ADARB1: variants seen among roughly 807,000 people sequenced by gnomAD.
ADARB1 encodes double-stranded RNA-specific editase 1.
In ADARB1, 10 loss-of-function variants were observed where a neutral mutation model predicts 52.4. The observed-to-expected ratio is 0.19, with a 90% confidence interval of 0.12 to 0.32. The LOEUF (loss-of-function observed/expected upper bound fraction) is 0.32. ADARB1 is among the 10% of genes least tolerant of loss of function. The pLI is 1.00. For synonymous variants in ADARB1, 349 were observed against 371.1 expected (o/e 0.94, Z 0.68); for missense variants, 643 against 922.3 (o/e 0.70, Z 3.92).
Position 45,225,981 on chromosome 21 carries a change from G to T in ADARB1, c.*3784G>T, listed in dbSNP as rs1372681884. On this transcript the variant is annotated 3_prime_UTR_variant, in exon 11 of 11. Transcript: ENST00000348831. Reference sequence around the variant, plus strand: ...TGAGTTCTAGTGTTCACTTGATGCCGGGGAATAGAATTAGAGAAAACTCTG... The same window carrying T: ...TGAGTTCTAGTGTTCACTTGATGCCTGGGAATAGAATTAGAGAAAACTCTG... 6.1e-6 allele frequency: 1 copy of T among 164,106 alleles called. No individual in the cohort carries two copies. 10.2% of individuals were successfully genotyped at this position (164,106 alleles called of 1,614,324 possible). A position where few individuals can be genotyped will look rare whatever the true frequency, so the allele number is the denominator to read the frequency against.
intron 1 of ADARB1, among the ~76,000 whole-genome samples, chr21:45,105,509 T>G (rs956590560): frequency 5.3e-5 from 8 of 152,258 alleles, no homozygotes; most frequent in Non-Finnish European, 1.2e-4. Context: ...TTTCTCTGTT[T>G]CCTTCAGCTG....
chr21:45,146,695 C>T (rs1469384233), intron 2 of ADARB1, among the ~76,000 whole-genome samples: 1 of 152,188 alleles, frequency 6.6e-6, no homozygotes, highest in Non-Finnish European at 1.5e-5. Context: ...TGAGTGTGTC[C>T]AGCAACCAGG....
At chr21:45,188,024 C>T (rs952922804) in intron 8 of ADARB1, among the ~76,000 whole-genome samples, 3 of 151,882 alleles carry the variant, frequency 2.0e-5, no homozygotes, top group African/African-American at 7.3e-5. Flanking sequence ...GAAATGTTCT[C>T]TTTAGTTTTT....
chr21:45,078,769 C>T (rs8130074), intron 1 of ADARB1, among the ~76,000 whole-genome samples: 7 of 152,060 alleles, frequency 4.6e-5, no homozygotes, highest in African/African-American at 1.7e-4. Flanking sequence ...TCCTTCCTTG[C>T]GAATGACATG....
intron 8 of ADARB1, among the ~76,000 whole-genome samples, chr21:45,197,283 C>T (rs551957172): frequency 6.6e-6 from 1 of 151,442 alleles, no homozygotes; most frequent in South Asian, 2.1e-4. Flanking sequence ...GGGTGGATCA[C>T]AAGGTCAGGA....
At chr21:45,159,666 C>T (rs112192172) in intron 2 of ADARB1, among the ~76,000 whole-genome samples, 23 of 152,150 alleles carry the variant, frequency 1.5e-4, no homozygotes, top group African/African-American at 5.1e-4. Flanking sequence ...CAATGGGAGG[C>T]GAATAGGCCC....
intron 1 of ADARB1, chr21:45,100,866 G>C (rs2086971578): frequency 6.5e-6 from 1 of 152,764 alleles, no homozygotes; most frequent in Non-Finnish European, 1.5e-5. Flanking sequence ...AGCAGGCCTG[G>C]TTTGGGGTAT....
Position 45,074,653 on chromosome 21 carries a change from G to C in ADARB1, c.-360G>C. On this transcript the variant is annotated 5_prime_UTR_variant, in exon 1 of 11. Coordinates refer to ENST00000348831, the MANE Select transcript of ADARB1 (RefSeq NM_001112.4). ...CGGCCAAGCGGCCAGGTTGGCGGCC[G>C]GGGCTCCGGGCCGCGCGAGGCCACG... 6.8e-6 allele frequency: 1 copy of C among 146,474 alleles called. No individual in the cohort carries two copies. Among genetic ancestry groups the C allele is most frequent in the South Asian group, 1.9e-4 (1 of 5,338 alleles). 9.1% of individuals were successfully genotyped at this position (146,474 alleles called of 1,614,324 possible).
intron 2 of ADARB1, among the ~76,000 whole-genome samples, chr21:45,153,257 A>G (rs1031140438): frequency 1.3e-5 from 2 of 152,112 alleles, no homozygotes; most frequent in African/African-American, 4.8e-5. Context: ...TTTTCTCAAA[A>G]CCAGATTCAA....
intron 1 of ADARB1, among the ~76,000 whole-genome samples, chr21:45,124,375 C>T (rs1255067081): frequency 6.6e-6 from 1 of 151,906 alleles, no homozygotes; most frequent in Non-Finnish European, 1.5e-5. Context: ...CCCTTTTCTT[C>T]TCTTTTCTTT....
intron 8 of ADARB1, among the ~76,000 whole-genome samples, chr21:45,198,540 A>G (rs967484614): frequency 1.3e-5 from 2 of 152,120 alleles, no homozygotes; most frequent in Non-Finnish European, 2.9e-5. Context: ...CACACAGAGA[A>G]TAAATTAAGA....
At chr21:45,107,873 G>A (rs1005513142) in intron 1 of ADARB1, among the ~76,000 whole-genome samples, 1 of 152,092 alleles carries the variant, frequency 6.6e-6, no homozygotes, top group African/African-American at 2.4e-5. Context: ...ACCAGCCTGG[G>A]CAACATGGCA....
intron 8 of ADARB1, among the ~76,000 whole-genome samples, chr21:45,191,791 C>T (rs1018593871): frequency 6.8e-6 from 1 of 146,736 alleles, no homozygotes; most frequent in Non-Finnish European, 1.5e-5. Flanking sequence ...GTTCTACTTT[C>T]TGAAGTCTCT....
rs776820750 is a variant in ADARB1 at position 45,183,323 on chromosome 21, C to T, written c.1248-39C>T. ...TGATAGACTAAAATTTAACTATATA[C>T]AGCTTTAAATGTTACTTTTGCAACT... On this transcript the variant is annotated intron_variant, in intron 6 of 10. Transcript: ENST00000348831. 83 of 1,565,748 alleles carry T rather than the reference C, an allele frequency of 5.3e-5. 1 individual carries two copies. In the East Asian group the frequency reaches 1.8e-3, roughly 33 times the overall value.
At chr21:45,082,430 C>G (rs144563971) in intron 1 of ADARB1, among the ~76,000 whole-genome samples, 86 of 152,252 alleles carry the variant, frequency 5.6e-4, no homozygotes, top group African/African-American at 2.0e-3. Context: ...CTGTCTGTAC[C>G]TTCCCACGGC....
At chr21:45,111,687 G>C (rs1318656639) in intron 1 of ADARB1, among the ~76,000 whole-genome samples, 1 of 152,194 alleles carries the variant, frequency 6.6e-6, no homozygotes, top group Non-Finnish European at 1.5e-5. Flanking sequence ...TGTGTGATGA[G>C]ACTTGCCTGT....
chr21:45,214,545 C>T (rs1483298264), intron 9 of ADARB1, among the ~76,000 whole-genome samples: 6 of 152,220 alleles, frequency 3.9e-5, no homozygotes, highest in African/African-American at 1.4e-4. Flanking sequence ...CACTTGAGTT[C>T]ATGTTTGTGT....
rs565147657 is a variant in ADARB1 at position 45,172,039 on chromosome 21, A to G, written c.28+355A>G. ...ATACAAATCGAAGATAACGTCTGAGATTGATTTAAATACCCAGGCCTTTGC... is the reference window on the plus strand; with the variant it reads ...ATACAAATCGAAGATAACGTCTGAGGTTGATTTAAATACCCAGGCCTTTGC... On this transcript the variant is annotated intron_variant, in intron 3 of 10. Transcript: ENST00000348831. This position sits in a 1 kb window ranked among gnomAD's most constrained non-coding sequence, Gnocchi z 4.4. 6.6e-6 allele frequency among the ~76,000 whole-genome samples: 1 copy of G among 152,262 alleles called. No individual in the cohort carries two copies. Among genetic ancestry groups the G allele is most frequent in the South Asian group, 2.1e-4 (1 of 4,820 alleles).
chr21:45,085,834 A>G (rs1473522757), intron 1 of ADARB1, among the ~76,000 whole-genome samples: 5 of 152,212 alleles, frequency 3.3e-5, no homozygotes, highest in African/African-American at 1.2e-4. Context: ...TGTCACATGA[A>G]CCTAAAGGAC....
Sources: gnomAD v4.1 joint callset for allele counts (sites outside exome capture counted in the v4.1 genomes callset) on GRCh38, gnomAD v4.1.1 for gene constraint, Gnocchi (gnomAD v3.1) non-coding constraint, MANE v1.5 for transcripts, NCBI Gene and HGNC (gene_info 2026-07-23, HGNC 2026-07-21) for gene names.